DPP6: variants seen among roughly 807,000 people sequenced by gnomAD.
The protein encoded by DPP6 is A-type potassium channel modulatory protein DPP6.
DPP6 carries 69 observed loss-of-function variants against 122.6 expected under a neutral mutation model. That is an observed-to-expected ratio of 0.56 (90% CI 0.46 to 0.69). DPP6 has a LOEUF of 0.69. DPP6 is among the 30% of genes least tolerant of loss of function. The pLI is 0.00. For synonymous variants in DPP6, 418 were observed against 433.1 expected (o/e 0.97, Z 0.43); for missense variants, 928 against 1,116.9 (o/e 0.83, Z 2.41).
the DPP6 span, among the ~76,000 whole-genome samples, chr7:153,855,296 ATTTT>A: frequency 6.6e-6 from 1 of 152,138 alleles, no homozygotes; most frequent in African/African-American, 2.4e-5. Context: ...TTTCAATATT[ATTTT>A]GTTTATTAAG....
chr7:154,651,866 C>G (rs1231514028), intron 6 of DPP6, among the ~76,000 whole-genome samples: 1 of 152,118 alleles, frequency 6.6e-6, no homozygotes, highest in Non-Finnish European at 1.5e-5. Flanking sequence ...GCGGTTTTCT[C>G]CAAGAATTGG....
At chr7:153,960,379 A>G (rs1277591557) in intron 1 of DPP6, among the ~76,000 whole-genome samples, 3 of 152,158 alleles carry the variant, frequency 2.0e-5, no homozygotes, top group Admixed American at 6.5e-5. Context: ...TAGTTGGACA[A>G]AAACACATTG....
At chr7:154,541,276 G>A (rs760833853) in intron 4 of DPP6, among the ~76,000 whole-genome samples, 17 of 152,078 alleles carry the variant, frequency 1.1e-4, no homozygotes, top group South Asian at 2.1e-4. Flanking sequence ...GACTACAGGC[G>A]TGTGCCGCCG....
chr7:154,402,695 A>G (rs189092547), intron 1 of DPP6, among the ~76,000 whole-genome samples: 5,068 of 151,376 alleles, frequency 0.033, 118 homozygotes, highest in Non-Finnish European at 0.052. Flanking sequence ...ACATGTATAC[A>G]TATGTAACTA....
At chr7:154,420,300 C>A (rs770329529) in intron 1 of DPP6, among the ~76,000 whole-genome samples, 2 of 152,236 alleles carry the variant, frequency 1.3e-5, no homozygotes, top group Non-Finnish European at 2.9e-5. Flanking sequence ...GGAGCCACTG[C>A]ACTCCAGCCT....
intron 1 of DPP6, among the ~76,000 whole-genome samples, chr7:153,926,948 C>G (rs947567407): frequency 1.3e-5 from 2 of 151,956 alleles, no homozygotes; most frequent in African/African-American, 4.8e-5. Context: ...GTAAGAAATT[C>G]CAAAGTAAAA....
intron 1 of DPP6, among the ~76,000 whole-genome samples, chr7:154,115,449 C>G (rs1806915275): frequency 6.6e-6 from 1 of 152,212 alleles, no homozygotes; most frequent in Non-Finnish European, 1.5e-5. Context: ...TCCAGATCTT[C>G]ATTCTCATGG....
At chr7:153,864,113 C>T in the DPP6 span, among the ~76,000 whole-genome samples, 1 of 152,148 alleles carries the variant, frequency 6.6e-6, no homozygotes, top group Non-Finnish European at 1.5e-5. Flanking sequence ...ATTGAAATTG[C>T]TGAGTCAAAT....
intron 1 of DPP6, among the ~76,000 whole-genome samples, chr7:153,935,931 C>T (rs968873874): frequency 2.6e-5 from 4 of 152,182 alleles, no homozygotes; most frequent in African/African-American, 9.7e-5. Flanking sequence ...AGGCCTGGCC[C>T]GGAGCTGTGC....
intron 6 of DPP6, among the ~76,000 whole-genome samples, chr7:154,660,265 T>C (rs1052556658): frequency 6.3e-5 from 3 of 47,480 alleles, no homozygotes; most frequent in African/African-American, 1.2e-4. Flanking sequence ...CGATGGCGTA[T>C]TGGCCGTAGT....
At chr7:153,786,931 G>A in the DPP6 span, among the ~76,000 whole-genome samples, 1 of 145,476 alleles carries the variant, frequency 6.9e-6, no homozygotes, top group Non-Finnish European at 1.5e-5. Context: ...ACATAGGAAG[G>A]GGAAGATTTC....
At chr7:154,727,573 C>T (rs1842124756) in intron 7 of DPP6, among the ~76,000 whole-genome samples, 194 bp from the exon 8 acceptor site, 1 of 152,144 alleles carries the variant, frequency 6.6e-6, no homozygotes, top group Admixed American at 6.5e-5. Flanking sequence ...GGAATTTCAG[C>T]CTCTGATTAA....
intron 2 of DPP6, among the ~76,000 whole-genome samples, chr7:154,472,701 A>C (rs991606446): frequency 2.0e-5 from 3 of 152,180 alleles, no homozygotes; most frequent in African/African-American, 7.2e-5. Context: ...TAAACCAATG[A>C]ATTAGATATC....
intron 3 of DPP6, among the ~76,000 whole-genome samples, chr7:154,536,225 G>A (rs1828242067): frequency 6.6e-6 from 1 of 152,158 alleles, no homozygotes; most frequent in Non-Finnish European, 1.5e-5. Context: ...CTATTTGTAA[G>A]AAATTCTAGG....
intron 3 of DPP6, among the ~76,000 whole-genome samples, chr7:154,489,961 G>T (rs1256917793): frequency 6.6e-6 from 1 of 152,176 alleles, no homozygotes; most frequent in East Asian, 1.9e-4. Context: ...ACTTCTCCCA[G>T]ATCACATTCT....
intron 6 of DPP6, among the ~76,000 whole-genome samples, chr7:154,659,027 C>G (rs1214002743): frequency 6.6e-6 from 1 of 152,202 alleles, no homozygotes; most frequent in Admixed American, 6.5e-5. Context: ...CCAAGTGGCT[C>G]ATCCAAAAGG....
At chr7:153,905,235 G>T (rs928613304) in intron 1 of DPP6, among the ~76,000 whole-genome samples, 2 of 152,174 alleles carry the variant, frequency 1.3e-5, no homozygotes, top group African/African-American at 4.8e-5. Context: ...AGGTTTTATG[G>T]CTGGCTTTTG....
intron 4 of DPP6, among the ~76,000 whole-genome samples, chr7:154,552,146 T>C (rs941545028): frequency 7.2e-5 from 11 of 152,192 alleles, no homozygotes; most frequent in African/African-American, 2.7e-4. Context: ...GTATTGTGCA[T>C]AAAACCAGCT....
At chr7:154,687,591 G>C (rs2131199734) in intron 7 of DPP6, among the ~76,000 whole-genome samples, 1 of 152,168 alleles carries the variant, frequency 6.6e-6, no homozygotes, top group East Asian at 1.9e-4. Flanking sequence ...ATACATTTAA[G>C]ATTCAATTAT....
Sources: allele counts gnomAD v4.1 joint callset (sites outside exome capture counted in the v4.1 genomes callset), GRCh38; gene constraint gnomAD v4.1.1; transcripts MANE v1.5; gene names NCBI Gene and HGNC (gene_info 2026-07-23, HGNC 2026-07-21).